DHX9: variants seen among roughly 807,000 people sequenced by gnomAD.
The protein encoded by DHX9 is DExH-box helicase 9, also known as ATP-dependent RNA helicase A.
A neutral mutation model predicts 148.7 loss-of-function variants in DHX9; 27 were observed. That is an observed-to-expected ratio of 0.18 (90% CI 0.13 to 0.25). The LOEUF (loss-of-function observed/expected upper bound fraction) is 0.25, where lower values mean the gene tolerates loss of function less well. Among genes scored for constraint, DHX9 ranks in the 10% least tolerant of loss-of-function variants. DHX9 has a pLI of 1.00. For missense variants in DHX9, 796 were observed against 1,559.6 expected, an observed-to-expected ratio of 0.51 and a Z score of 8.25; for synonymous variants, 529 against 516.6, an observed-to-expected ratio of 1.02 and a Z score of -0.33.
Position 182,863,312 on chromosome 1 carries a change from T to C in DHX9, c.1332+3128T>C, listed in dbSNP as rs192455870. Among the ~76,000 whole-genome samples, 122 of 152,290 alleles carry C rather than the reference T, an allele frequency of 8.0e-4. 1 individual carries two copies. Among genetic ancestry groups the C allele is most frequent in the African/African-American group, 2.8e-3 (117 of 41,560 alleles). On this transcript the variant is annotated intron_variant, in intron 12 of 27. Coordinates refer to ENST00000367549, the MANE Select transcript of DHX9 (RefSeq NM_001357.5). ...TATGTGTCCTTAGGCAAAATAACCT[T>C]TTTGAACTTGTGTTTTTAATCTACT...
chr1:182,852,082 G>T (rs1557966427), intron 3 of DHX9, 151 bp from the exon 4 acceptor site: 1 of 497,420 alleles, frequency 2.0e-6, no homozygotes, highest in Non-Finnish European at 3.6e-6. Flanking sequence ...ATTTTGAGAT[G>T]CACTGCTCTA....
intron 6 of DHX9, 50 bp downstream of exon 6, chr1:182,854,228 GA>G: frequency 6.6e-7 from 1 of 1,508,378 alleles, no homozygotes; most frequent in South Asian, 1.3e-5. Flanking sequence ...GGTGGTTTTG[GA>G]TATTCACTGT....
intron 3 of DHX9, among the ~76,000 whole-genome samples, chr1:182,846,920 ACT>A (rs1314347283): frequency 6.8e-6 from 1 of 146,698 alleles, no homozygotes; most frequent in African/African-American, 2.5e-5. Context: ...CATTTTTTCC[ACT>A]GTTTCTCAAA....
Position 182,859,031 on chromosome 1 carries a change from G to C in DHX9, c.1063-9G>C. 6.2e-7 allele frequency: 1 copy of C among 1,613,048 alleles called. No individual in the cohort carries two copies. The highest frequency in any genetic ancestry group is 8.5e-7 in the Non-Finnish European group (1 of 1,179,756). ...TTTTGTTTGACTATGTTGGCTTTTT[G>C]TTTTACAGGCTACTCCAGAGCAAAT... is the stretch of plus-strand genomic sequence containing the variant. On this transcript the variant is annotated splice_polypyrimidine_tract_variant and intron_variant, in intron 10 of 27. Transcript: ENST00000367549.
intron 24 of DHX9, among the ~76,000 whole-genome samples, chr1:182,881,959 G>A (rs1649102717): frequency 6.6e-6 from 1 of 151,992 alleles, no homozygotes; most frequent in African/African-American, 2.4e-5. Context: ...ATCTAACATA[G>A]AAAAAAACCA....
intron 14 of DHX9, among the ~76,000 whole-genome samples, chr1:182,869,840 C>T (rs1239008613): frequency 6.6e-6 from 1 of 152,224 alleles, no homozygotes; most frequent in Non-Finnish European, 1.5e-5. Flanking sequence ...CTCAGGTGAT[C>T]TGCCTGCCTC....
chr1:182,845,664 A>G (rs1194948955), intron 3 of DHX9, among the ~76,000 whole-genome samples: 1 of 152,214 alleles, frequency 6.6e-6, no homozygotes, highest in Non-Finnish European at 1.5e-5. Flanking sequence ...CAGCCCCTTC[A>G]GACACCACTT....
At position 182,852,250 on chromosome 1, in the gene DHX9, A is replaced by T. The variant is rs1302616137; in HGVS notation, c.270A>T (p.Pro90=). 1 of 1,610,296 alleles carries T rather than the reference A, an allele frequency of 6.2e-7. No homozygotes were observed. The highest frequency in any genetic ancestry group is 8.5e-7 in the Non-Finnish European group (1 of 1,178,624). The change falls in exon 4 of 28, where the codon CCA becomes CCT. Residue 90 remains proline (P), a synonymous_variant. Coordinates refer to ENST00000367549, the MANE Select transcript of DHX9 (RefSeq NM_001357.5). ...VPAFGVASPP[P]LTDTPDTTAN... ...TTTTGCAGGTAGCATCTCCGCCCCC[A>T]CTTACTGATACTCCTGACACTACAG...
In DHX9 at chr1:182,885,769, T is replaced by C. The variant is rs1478069149; in HGVS notation, c.3461+956T>C. Among the ~76,000 whole-genome samples, 3 of 152,208 alleles carry C rather than the reference T, an allele frequency of 2.0e-5. No individual in the cohort carries two copies. The East Asian group carries it at 5.8e-4, about 29-fold the overall frequency. On this transcript the variant is annotated intron_variant, in intron 27 of 27. Coordinates refer to ENST00000367549, the MANE Select transcript of DHX9 (RefSeq NM_001357.5). ...GTTCAAACCCAGGCAACATGGCTCCTGAAACAGTGCTCTTACTATGCTATT... is the reference window on the plus strand; with the variant it reads ...GTTCAAACCCAGGCAACATGGCTCCCGAAACAGTGCTCTTACTATGCTATT...
intron 6 of DHX9, among the ~76,000 whole-genome samples, chr1:182,854,410 A>G (rs1668218019): frequency 6.6e-6 from 1 of 152,230 alleles, no homozygotes; most frequent in Non-Finnish European, 1.5e-5. Flanking sequence ...TCTTTTTGAC[A>G]TGCTAGACAT....
intron 1 of DHX9, among the ~76,000 whole-genome samples, chr1:182,840,129 T>C (rs1667892992): frequency 6.6e-6 from 1 of 150,866 alleles, no homozygotes; most frequent in African/African-American, 2.4e-5. Context: ...GTGGCAAGAG[T>C]GGAAACAAAA....
chr1:182,846,112 A>G (rs1208734599), intron 3 of DHX9, among the ~76,000 whole-genome samples: 1 of 151,972 alleles, frequency 6.6e-6, no homozygotes, highest in Non-Finnish European at 1.5e-5. Context: ...ATCCCCCCAC[A>G]CCTGAAGCTA....
intron 11 of DHX9, 110 bp from the exon 12 acceptor site, chr1:182,859,883 C>T (rs1260443041): frequency 2.9e-6 from 3 of 1,019,980 alleles, no homozygotes; most frequent in East Asian, 2.6e-5. Context: ...GGATTACAGG[C>T]GTGAGCCACC....
At chr1:182,880,709 A>G in intron 22 of DHX9, 101 bp downstream of exon 22, 2 of 717,646 alleles carry the variant, frequency 2.8e-6, no homozygotes, top group African/African-American at 1.8e-5. Flanking sequence ...CAAAAAAAAA[A>G]TCCTAAATGT....
intron 7 of DHX9, among the ~76,000 whole-genome samples, chr1:182,857,099 A>T (rs967785183): frequency 6.6e-6 from 1 of 152,178 alleles, no homozygotes; most frequent in Non-Finnish European, 1.5e-5. Context: ...TGCCTGGCTC[A>T]GCCTCCCAAA....
intron 14 of DHX9, among the ~76,000 whole-genome samples, chr1:182,868,433 T>C (rs1648396358): frequency 6.6e-6 from 1 of 151,872 alleles, no homozygotes; most frequent in Non-Finnish European, 1.5e-5. Flanking sequence ...TTATTTGATG[T>C]ACTTGCTATT....
chr1:182,879,643 A>G (rs1648998341), intron 21 of DHX9, among the ~76,000 whole-genome samples: 1 of 152,192 alleles, frequency 6.6e-6, no homozygotes, highest in African/African-American at 2.4e-5. Flanking sequence ...AAGAAAACTT[A>G]AAAAGGCATC....
intron 3 of DHX9, among the ~76,000 whole-genome samples, chr1:182,847,449 C>T (rs936288134): frequency 6.6e-6 from 1 of 152,292 alleles, no homozygotes; most frequent in Admixed American, 6.5e-5. Flanking sequence ...TGGATGTTAA[C>T]TCAGATCTCA....
intron 6 of DHX9, chr1:182,855,515 G>A: frequency 1.0e-6 from 1 of 975,134 alleles, no homozygotes; most frequent in Non-Finnish European, 1.2e-6. Context: ...TGCTTAGGCT[G>A]AACTAAGCAA....
Sources: gnomAD v4.1 joint callset for allele counts (sites outside exome capture counted in the v4.1 genomes callset) on GRCh38, gnomAD v4.1.1 for gene constraint, MANE v1.5 for transcripts, NCBI Gene and HGNC (gene_info 2026-07-23, HGNC 2026-07-21) for gene names.